Variants in THSD7A observed in about 807,000 individuals in gnomAD.
THSD7A encodes the protein thrombospondin type-1 domain-containing protein 7A.
In THSD7A, 96 loss-of-function variants were observed where a neutral mutation model predicts 231.3. That is an observed-to-expected ratio of 0.41 (90% CI 0.35 to 0.49). THSD7A has a LOEUF of 0.49. Among genes scored for constraint, THSD7A ranks in the 20% least tolerant of loss-of-function variants. The pLI is 0.05. For synonymous variants in THSD7A, 940 were observed against 743.3 expected (o/e 1.26, Z -4.30); for missense variants, 2,290 against 2,070.2 (o/e 1.11, Z -2.06).
intron 14 of THSD7A, among the ~76,000 whole-genome samples, chr7:11,427,637 T>C (rs1174416708): frequency 6.6e-6 from 1 of 152,194 alleles, no homozygotes; most frequent in African/African-American, 2.4e-5. Context: ...AGAATTTCTC[T>C]TTATTAGGAT....
intron 13 of THSD7A, among the ~76,000 whole-genome samples, chr7:11,435,492 C>T (rs1784605026): frequency 6.6e-6 from 1 of 152,086 alleles, no homozygotes; most frequent in South Asian, 2.1e-4. Context: ...CATTTAACCA[C>T]ATGGCCAATG....
chr7:11,389,909 A>T (rs1249439155), intron 23 of THSD7A, among the ~76,000 whole-genome samples: 2 of 152,136 alleles, frequency 1.3e-5, no homozygotes, highest in African/African-American at 4.8e-5. Flanking sequence ...TGGCTTGAAA[A>T]TTCTTTTCTT....
chr7:11,386,979 A>G (rs1016045759), intron 23 of THSD7A, among the ~76,000 whole-genome samples: 3 of 152,156 alleles, frequency 2.0e-5, no homozygotes, highest in Non-Finnish European at 4.4e-5. Flanking sequence ...TCCTTTCCCC[A>G]TTGATTGTTT....
At chr7:11,608,674 C>A (rs540702801) in intron 2 of THSD7A, among the ~76,000 whole-genome samples, 1 of 152,272 alleles carries the variant, frequency 6.6e-6, no homozygotes, top group East Asian at 1.9e-4. Context: ...TAATGCCATT[C>A]TTTCCTGCTC....
intron 6 of THSD7A, 60 bp downstream of exon 6, chr7:11,541,359 G>T: frequency 6.6e-7 from 1 of 1,526,086 alleles, no homozygotes. Flanking sequence ...TTAACAGAAA[G>T]TAAAAACATA....
chr7:11,465,413 T>C (rs772464930), intron 9 of THSD7A, among the ~76,000 whole-genome samples: 6 of 151,982 alleles, frequency 3.9e-5, no homozygotes, highest in Non-Finnish European at 7.4e-5. Flanking sequence ...AAAAAACAGA[T>C]CGTACATCTA....
chr7:11,605,705 T>TA (rs1243101494), intron 2 of THSD7A, among the ~76,000 whole-genome samples: 3 of 152,162 alleles, frequency 2.0e-5, no homozygotes, highest in African/African-American at 7.2e-5. Flanking sequence ...TATTACCACA[T>TA]ATTAGGCAGT....
At chr7:11,604,231 A>G (rs1780661251) in intron 2 of THSD7A, among the ~76,000 whole-genome samples, 1 of 152,106 alleles carries the variant, frequency 6.6e-6, no homozygotes, top group South Asian at 2.1e-4. Context: ...TGATGAAGAA[A>G]CTGAGTACAA....
At chr7:11,641,602 T>C (rs1399382225) in intron 1 of THSD7A, among the ~76,000 whole-genome samples, 1 of 152,048 alleles carries the variant, frequency 6.6e-6, no homozygotes, top group Admixed American at 6.6e-5. Flanking sequence ...ATTCCAAGTA[T>C]ATTTACATTG....
rs376811988 is a variant in THSD7A, at chr7:11,510,824, T to A, written c.1823-28842A>T. Among the ~76,000 whole-genome samples, 5 of 151,814 alleles carry A rather than the reference T, an allele frequency of 3.3e-5. No individual in the cohort carries two copies. In the East Asian group the frequency reaches 5.8e-4, roughly 18 times the overall value. ...CAGACCCACAGCCAATATGGGTCTG[T>A]CATAAATGAATGGGCAAAAACTGGA... On this transcript the variant is annotated intron_variant, in intron 6 of 27. Transcript: ENST00000423059.
intron 4 of THSD7A, among the ~76,000 whole-genome samples, chr7:11,559,675 G>C (rs1369040212): frequency 6.6e-6 from 1 of 151,948 alleles, no homozygotes; most frequent in Non-Finnish European, 1.5e-5. Context: ...AAAAAAAGAT[G>C]GAAGAATTGA....
intron 1 of THSD7A, among the ~76,000 whole-genome samples, chr7:11,675,580 AAGGG>A (rs1783604279): frequency 6.6e-6 from 1 of 152,048 alleles, no homozygotes; most frequent in East Asian, 1.9e-4. Context: ...TTGGTGGGGG[AAGGG>A]GCATCCACCA....
intron 1 of THSD7A, among the ~76,000 whole-genome samples, chr7:11,820,013 G>A (rs1222037815): frequency 1.3e-5 from 2 of 151,966 alleles, no homozygotes; most frequent in South Asian, 2.1e-4. Context: ...TCCAAGCATC[G>A]CTCTCCCACC....
chr7:11,466,320 A>G (rs1485581478), intron 9 of THSD7A, among the ~76,000 whole-genome samples: 2 of 152,206 alleles, frequency 1.3e-5, no homozygotes, highest in Non-Finnish European at 2.9e-5. Flanking sequence ...TGTAATTTCA[A>G]AATGATACTT....
intron 1 of THSD7A, among the ~76,000 whole-genome samples, chr7:11,643,332 T>C (rs2128364499): frequency 6.6e-6 from 1 of 152,142 alleles, no homozygotes. Flanking sequence ...TAAAACAAAA[T>C]TTCTATTTGT....
intron 4 of THSD7A, among the ~76,000 whole-genome samples, chr7:11,588,659 C>T (rs1005450681): frequency 6.6e-6 from 1 of 152,040 alleles, no homozygotes; most frequent in African/African-American, 2.4e-5. Context: ...TACCCAGTTG[C>T]AATTCAGAAT....
At chr7:11,732,952 C>G (rs1249190160) in intron 1 of THSD7A, among the ~76,000 whole-genome samples, 2 of 151,796 alleles carry the variant, frequency 1.3e-5, no homozygotes, top group African/African-American at 4.8e-5. Context: ...CCATAATAAA[C>G]TTTTCATAAA....
At chr7:11,394,604 G>T (rs754450244) in intron 23 of THSD7A, among the ~76,000 whole-genome samples, 2 of 152,250 alleles carry the variant, frequency 1.3e-5, no homozygotes, top group East Asian at 1.9e-4. Context: ...ACCAAGAACC[G>T]ATCTTTGATC....
At chr7:11,578,121 C>G (rs1584014992) in intron 4 of THSD7A, among the ~76,000 whole-genome samples, 2 of 152,114 alleles carry the variant, frequency 1.3e-5, no homozygotes, top group Non-Finnish European at 2.9e-5. Flanking sequence ...AACTAGCAAG[C>G]TAGTATACAA....
Sources: gnomAD v4.1 joint callset for allele counts (sites outside exome capture counted in the v4.1 genomes callset) on GRCh38, gnomAD v4.1.1 for gene constraint, MANE v1.5 for transcripts, NCBI Gene and HGNC (gene_info 2026-07-23, HGNC 2026-07-21) for gene names.